KCTD21: variants seen among roughly 807,000 people sequenced by gnomAD.
KCTD21 encodes the protein potassium channel tetramerization domain containing 21.
KCTD21 carries 9 observed loss-of-function variants against 13.2 expected under a neutral mutation model. The ratio of observed to expected loss-of-function variants is 0.68; its 90% CI spans 0.41 to 1.19. The LOEUF (loss-of-function observed/expected upper bound fraction) is 1.19, where lower values mean the gene tolerates loss of function less well. Among genes scored for constraint, KCTD21 ranks in the 50% most tolerant of loss-of-function variants. The probability of loss-of-function intolerance (pLI) is 0.01; values close to 1 mark genes in which losing one functional copy is unlikely to be tolerated. For missense variants in KCTD21, 303 were observed against 336.5 expected (o/e 0.90, Z 0.78); for synonymous variants, 142 against 137.4 (o/e 1.03, Z -0.23).
Position 78,174,185 on chromosome 11 carries a change from G to A in KCTD21, c.370C>T (p.His124Tyr). ...ITLNQRVQTVHFTVREAPQIY... is the reference protein window; with the variant it reads ...ITLNQRVQTVYFTVREAPQIY... ...TGGGGTGCCTCGCGCACAGTGAAGTGGACCGTCTGCACACGCTGGTTCAGT... is the reference window on the plus strand; with the variant it reads ...TGGGGTGCCTCGCGCACAGTGAAGTAGACCGTCTGCACACGCTGGTTCAGT... The change falls in exon 2 of 2, where the codon CAC becomes TAC. Residue 124 changes from histidine to tyrosine, a missense_variant. Coordinates refer to ENST00000340067, the MANE Select transcript of KCTD21 (RefSeq NM_001029859.3). The A allele has an allele frequency of 6.2e-7, 1 of 1,614,048 alleles. No homozygotes were observed. The highest frequency in any genetic ancestry group is 8.5e-7 in the Non-Finnish European group (1 of 1,180,008).
At chr11:78,188,343 G>T (rs1033916063) in intron 1 of KCTD21, 2 of 980,938 alleles carry the variant, frequency 2.0e-6, no homozygotes, top group Non-Finnish European at 2.4e-6. Context: ...ATCACCATCC[G>T]CCCTTGCTCT....
chr11:78,183,924 C>T (rs1186620031), intron 1 of KCTD21, among the ~76,000 whole-genome samples: 2 of 152,056 alleles, frequency 1.3e-5, no homozygotes, highest in South Asian at 2.1e-4. Flanking sequence ...CGTGAGCCAC[C>T]GCACCCGGCC....
Position 78,174,238 on chromosome 11 carries a change from G to T in KCTD21, c.317C>A (p.Ala106Asp). The change falls in exon 2 of 2, where the codon GCC becomes GAC. Residue 106 changes from alanine (A) to aspartate (D), a missense_variant. Physicochemically the swap from Ala to Asp is moderately radical, Grantham distance 126. Transcript: ENST00000340067. Reference sequence around the variant, plus strand: ...GATGTTGAGCATGGCATTCTTCTCGGCCTTGGAGAGCTCCACTTCCTTCTC... The same window carrying T: ...GATGTTGAGCATGGCATTCTTCTCGTCCTTGGAGAGCTCCACTTCCTTCTC... ...LQEKEVELSK[A>D]EKNAMLNITL... 1 of 1,614,060 alleles carries T rather than the reference G, an allele frequency of 6.2e-7. No homozygotes were observed. Among genetic ancestry groups the T allele is most frequent in the Non-Finnish European group, 8.5e-7 (1 of 1,180,026 alleles).
intron 1 of KCTD21, among the ~76,000 whole-genome samples, chr11:78,181,438 C>T (rs145770168): frequency 5.3e-5 from 8 of 152,346 alleles, no homozygotes; most frequent in East Asian, 3.9e-4. Flanking sequence ...ATCTGTATAA[C>T]GTTCTGGCAA....
Position 78,175,611 on chromosome 11 carries a change from A to G in KCTD21, c.-29-1028T>C, listed in dbSNP as rs111606252. ...AGTGACACTGCTGAATTTAATTATT[A>G]TTCTCTCTCAAAGATTTGACAATGA... On this transcript the variant is annotated intron_variant, in intron 1 of 1. Coordinates refer to ENST00000340067, the MANE Select transcript of KCTD21 (RefSeq NM_001029859.3). Among the ~76,000 whole-genome samples the G allele has an allele frequency of 7.3e-3, 1,111 of 152,284 alleles. 11 individuals are homozygous for G. Among genetic ancestry groups the G allele is most frequent in the African/African-American group, 0.025 (1,042 of 41,552 alleles).
In KCTD21 at chr11:78,171,797, C is replaced by T. The variant is rs111770516; in HGVS notation, c.*1975G>A. Reference sequence around the variant, plus strand: ...ATTTTTGTATTTTTAGCAGAGACGACGTTTCACCATGTTGGCCAGGCTGGT... The same window carrying T: ...ATTTTTGTATTTTTAGCAGAGACGATGTTTCACCATGTTGGCCAGGCTGGT... On this transcript the variant is annotated 3_prime_UTR_variant, in exon 2 of 2. Transcript: ENST00000340067. 5,543 of 152,324 alleles carry T rather than the reference C, an allele frequency of 0.036. 157 individuals are homozygous for T. Among genetic ancestry groups the T allele is most frequent in the Admixed American group, 0.096 (1,461 of 15,296 alleles). 9.4% of individuals were successfully genotyped at this position (152,324 alleles called of 1,614,324 possible). A position where few individuals can be genotyped will look rare whatever the true frequency, so the allele number is the denominator to read the frequency against.
chr11:78,183,882 G>A lies in KCTD21; in HGVS notation c.-30+4691C>T, dbSNP rs368889739. The stretch of plus-strand genomic sequence containing the variant: ...GATCTCCTGACCTCGTGATCCGCCC[G>A]CCTCGGCCTCCCAAAGTGCTGGGAT... On this transcript the variant is annotated intron_variant, in intron 1 of 1. Coordinates refer to ENST00000340067, the MANE Select transcript of KCTD21 (RefSeq NM_001029859.3). 1.8e-3 allele frequency among the ~76,000 whole-genome samples: 276 copies of A among 152,162 alleles called. 1 individual carries two copies. Among genetic ancestry groups the A allele is most frequent in the African/African-American group, 6.4e-3 (265 of 41,532 alleles).
At chr11:78,182,405 T>C (rs925815149) in intron 1 of KCTD21, among the ~76,000 whole-genome samples, 3 of 151,878 alleles carry the variant, frequency 2.0e-5, no homozygotes, top group African/African-American at 7.3e-5. Flanking sequence ...CTGGAAGCAC[T>C]GATGACTGAT....
intron 1 of KCTD21, among the ~76,000 whole-genome samples, chr11:78,182,066 C>T (rs779780027): frequency 3.9e-5 from 6 of 152,212 alleles, no homozygotes; most frequent in Non-Finnish European, 8.8e-5. Flanking sequence ...CCGCCTTGCA[C>T]TCAGGGGAGG....
At chr11:78,176,087 A>G (rs1862444285) in intron 1 of KCTD21, among the ~76,000 whole-genome samples, 1 of 152,186 alleles carries the variant, frequency 6.6e-6, no homozygotes, top group South Asian at 2.1e-4. Context: ...ATGGCTGCAT[A>G]GTATTCCATG....
intron 1 of KCTD21, 137 bp downstream of exon 1, chr11:78,188,436 C>A: frequency 1.0e-6 from 1 of 985,630 alleles, no homozygotes; most frequent in Non-Finnish European, 1.2e-6. Flanking sequence ...GCACCACAGG[C>A]GATGCCATCC....
intron 1 of KCTD21, among the ~76,000 whole-genome samples, chr11:78,180,103 C>T (rs1337117852): frequency 2.6e-5 from 4 of 152,126 alleles, no homozygotes; most frequent in African/African-American, 9.7e-5. Flanking sequence ...TCTAAAACTA[C>T]ACAACTTCTA....
At chr11:78,188,488 C>T in intron 1 of KCTD21, 85 bp downstream of exon 1, 1 of 985,310 alleles carries the variant, frequency 1.0e-6, no homozygotes, top group Non-Finnish European at 1.2e-6. Flanking sequence ...ATAGATTAGT[C>T]TCATGGTAAG....
rs1289990801 is a variant in KCTD21, at chr11:78,172,324, G to A, written c.*1448C>T. The A allele has an allele frequency of 6.6e-6, 1 of 152,260 alleles. No individual in the cohort carries two copies. Among genetic ancestry groups the A allele is most frequent in the Non-Finnish European group, 1.5e-5 (1 of 68,130 alleles). The allele number at this position is 152,260 out of a possible 1,614,324, so 9.4% of individuals were successfully genotyped here. A position where few individuals can be genotyped will look rare whatever the true frequency, so the allele number is the denominator to read the frequency against. ...CTTAGGGGCCGCACATTTACTCTAA[G>A]GGCACTGTTACGGTTCATACCACTC... is the stretch of plus-strand genomic sequence containing the variant. On this transcript the variant is annotated 3_prime_UTR_variant, in exon 2 of 2. Transcript: ENST00000340067.
chr11:78,187,529 C>G, intron 1 of KCTD21: 1 of 985,418 alleles, frequency 1.0e-6, no homozygotes, highest in Non-Finnish European at 1.2e-6. Context: ...ACAACCACTA[C>G]CATCCCCCAG....
intron 1 of KCTD21, among the ~76,000 whole-genome samples, chr11:78,178,998 T>C (rs768660042): frequency 2.6e-5 from 4 of 152,090 alleles, no homozygotes; most frequent in Non-Finnish European, 4.4e-5. Context: ...AGCCTTTAAT[T>C]AGCCACAGAC....
At chr11:78,179,938 C>T (rs1266971403) in intron 1 of KCTD21, among the ~76,000 whole-genome samples, 1 of 152,198 alleles carries the variant, frequency 6.6e-6, no homozygotes, top group Non-Finnish European at 1.5e-5. Flanking sequence ...CAGCATTCCA[C>T]CTGCAGCGAT....
intron 1 of KCTD21, among the ~76,000 whole-genome samples, chr11:78,182,298 C>CA (rs925771910): frequency 2.3e-5 from 1 of 42,674 alleles, no homozygotes; most frequent in African/African-American, 1.1e-4. Flanking sequence ...TCCCAAAGCA[C>CA]CCCCCCCCCC....
intron 1 of KCTD21, chr11:78,186,755 G>C: frequency 1.0e-6 from 1 of 985,488 alleles, no homozygotes; most frequent in Non-Finnish European, 1.2e-6. Flanking sequence ...CCTGGACCTT[G>C]AAGACAAATC....
Sources: allele counts gnomAD v4.1 joint callset (sites outside exome capture counted in the v4.1 genomes callset), GRCh38; gene constraint gnomAD v4.1.1; transcripts MANE v1.5; gene names NCBI Gene and HGNC (gene_info 2026-07-23, HGNC 2026-07-21).